Variants in LOC400499 observed in about 807,000 individuals in gnomAD.
the LOC400499 span, among the ~76,000 whole-genome samples, chr16:11,388,585 T>A: frequency 6.6e-5 from 10 of 152,156 alleles, no homozygotes; most frequent in African/African-American, 1.9e-4. Flanking sequence ...GTCTCTGCTC[T>A]AAACTGGGCT....
chr16:11,428,315 G>C, the LOC400499 span, among the ~76,000 whole-genome samples: 42,580 of 152,044 alleles, frequency 0.28, 7,526 homozygotes, highest in Admixed American at 0.44. Flanking sequence ...GGGATTACAG[G>C]CATGTGCCAC....
At chr16:11,479,439 C>G in the LOC400499 span, among the ~76,000 whole-genome samples, 455 of 147,952 alleles carry the variant, frequency 3.1e-3, 2 homozygotes, top group Middle Eastern at 3.4e-3. Flanking sequence ...ATATCGAGAC[C>G]CTATCTCTAC....
chr16:11,450,787 A>G, the LOC400499 span: 1 of 1,535,978 alleles, frequency 6.5e-7, no homozygotes, highest in Non-Finnish European at 8.7e-7. Context: ...AGCTGCAGAG[A>G]CCATCAGCCA....
the LOC400499 span, among the ~76,000 whole-genome samples, chr16:11,414,063 A>G: frequency 2.0e-5 from 3 of 152,186 alleles, no homozygotes; most frequent in Non-Finnish European, 2.9e-5. Flanking sequence ...AGGAGCTTTG[A>G]TTCTGACCCA....
chr16:11,449,047 C>G, the LOC400499 span: 17 of 1,491,378 alleles, frequency 1.1e-5, no homozygotes, highest in Admixed American at 7.9e-5. Flanking sequence ...GCGTTCCAGG[C>G]TGACTCGAGT....
the LOC400499 span, among the ~76,000 whole-genome samples, chr16:11,498,400 T>G: frequency 2.6e-5 from 4 of 152,140 alleles, no homozygotes; most frequent in Non-Finnish European, 5.9e-5. Flanking sequence ...GAGAATCACT[T>G]GAACCCGGGA....
chr16:11,511,992 G>C, the LOC400499 span, among the ~76,000 whole-genome samples: 1 of 151,316 alleles, frequency 6.6e-6, no homozygotes, highest in African/African-American at 2.4e-5. Context: ...GACCAAGACT[G>C]TCTCTTAAGT....
the LOC400499 span, chr16:11,488,578 C>G: frequency 2.8e-5 from 11 of 386,922 alleles, no homozygotes; most frequent in East Asian, 4.0e-4. Context: ...AGCCACCACA[C>G]CCAACTGACA....
the LOC400499 span, among the ~76,000 whole-genome samples, chr16:11,476,232 G>C: frequency 6.6e-6 from 1 of 151,972 alleles, no homozygotes; most frequent in Admixed American, 6.6e-5. Context: ...AGTCCCCATG[G>C]AGCAGGACAA....
the LOC400499 span, among the ~76,000 whole-genome samples, chr16:11,438,935 T>C: frequency 6.6e-6 from 1 of 152,322 alleles, no homozygotes; most frequent in Middle Eastern, 3.4e-3. Context: ...CCTCTAATTT[T>C]TTTTATTGCT....
At chr16:11,392,535 C>T in the LOC400499 span, 1 of 399,422 alleles carries the variant, frequency 2.5e-6, no homozygotes, top group Non-Finnish European at 4.4e-6. Context: ...GGTGCCCCCA[C>T]CATGTCTCTG....
the LOC400499 span, chr16:11,471,726 G>A: frequency 8.5e-3 from 3,407 of 399,224 alleles, 97 homozygotes; most frequent in African/African-American, 0.063. Context: ...GCAGCGTCAC[G>A]GCCGCGAACA....
At chr16:11,518,996 G>T in the LOC400499 span, 4 of 398,878 alleles carry the variant, frequency 1.0e-5, no homozygotes, top group Non-Finnish European at 1.8e-5. Flanking sequence ...CCGTGAGTTG[G>T]TGACCTCTCC....
chr16:11,411,409 G>T, the LOC400499 span: 80,002 of 398,408 alleles, frequency 0.2, 8,549 homozygotes, highest in African/African-American at 0.29. Flanking sequence ...GAGACCAAGG[G>T]GACTTCCCCG....
the LOC400499 span, chr16:11,383,625 T>G: frequency 1.6e-6 from 2 of 1,232,274 alleles, no homozygotes; most frequent in Non-Finnish European, 2.0e-6. Context: ...GAGTGCTAGA[T>G]GGCTGGGGCA....
At chr16:11,416,256 A>C in the LOC400499 span, among the ~76,000 whole-genome samples, 1 of 152,104 alleles carries the variant, frequency 6.6e-6, no homozygotes, top group Non-Finnish European at 1.5e-5. Flanking sequence ...GGCCCCCAAA[A>C]TAAAAAAATT....
the LOC400499 span, among the ~76,000 whole-genome samples, chr16:11,454,716 A>G: frequency 0.86 from 130,360 of 152,244 alleles, 55,872 homozygotes; most frequent in South Asian, 0.9. Flanking sequence ...AAGCTGCCCA[A>G]TTCAGTAATT....
the LOC400499 span, among the ~76,000 whole-genome samples, chr16:11,475,959 C>T: frequency 6.9e-6 from 1 of 143,972 alleles, no homozygotes; most frequent in Non-Finnish European, 1.5e-5. Flanking sequence ...AGGGCTGTCT[C>T]GGGGATAGAG....
the LOC400499 span, chr16:11,384,446 G>C: frequency 2.1e-6 from 1 of 477,656 alleles, no homozygotes; most frequent in Non-Finnish European, 3.3e-6. Context: ...GAGCAGTAGA[G>C]TCCCACCACC....
Sources: gnomAD v4.1 joint callset for allele counts (sites outside exome capture counted in the v4.1 genomes callset) on GRCh38, gnomAD v4.1.1 for gene constraint, MANE v1.5 for transcripts.